Variants in WWOX observed in about 807,000 individuals in gnomAD.
WWOX encodes the protein WW domain containing oxidoreductase.
In WWOX, 69 loss-of-function variants were observed where a neutral mutation model predicts 46.2. That is an observed-to-expected ratio of 1.49 (90% CI 1.23 to 1.82). The LOEUF is 1.82. Among genes scored for constraint, WWOX ranks in the 40% most tolerant of loss-of-function variants. The pLI, the probability that WWOX is intolerant of heterozygous loss-of-function variation, is 0.00. For missense variants in WWOX, 919 were observed against 542.6 expected (o/e 1.69, Z -6.89); for synonymous variants, 359 against 202.6 (o/e 1.77, Z -6.56).
chr16:78,921,140 C>G (rs188620770), intron 8 of WWOX, among the ~76,000 whole-genome samples: 14 of 152,076 alleles, frequency 9.2e-5, no homozygotes, highest in Admixed American at 4.6e-4. Context: ...GAATGGCGCT[C>G]TTTAAAAAAA....
At chr16:78,812,235 C>T (rs1489844428) in intron 8 of WWOX, among the ~76,000 whole-genome samples, 1 of 151,972 alleles carries the variant, frequency 6.6e-6, no homozygotes, top group Non-Finnish European at 1.5e-5. Flanking sequence ...AAGATTGGGG[C>T]ATATTTAGGA....
chr16:78,704,456 T>G (rs1369438291), intron 8 of WWOX, among the ~76,000 whole-genome samples: 1 of 152,170 alleles, frequency 6.6e-6, no homozygotes, highest in Non-Finnish European at 1.5e-5. Context: ...AAGTAGTGTA[T>G]GATTGCCCAC....
At position 78,638,569 on chromosome 16, in the gene WWOX, C is replaced by T. The variant is rs1009288762; in HGVS notation, c.1056+205817C>T. Among the ~76,000 whole-genome samples the T allele has an allele frequency of 4.6e-5, 7 of 152,146 alleles. 1 individual carries two copies. The highest frequency in any genetic ancestry group is 4.6e-4 in the Admixed American group (7 of 15,276). ...GAATGACCCTGTTAATTGCAATTGA[C>T]TCTCATAGAATGTGGATAGCAGTGC... On this transcript the variant is annotated intron_variant, in intron 8 of 8. Coordinates refer to ENST00000566780, the MANE Select transcript of WWOX (RefSeq NM_016373.4).
Position 78,384,194 on chromosome 16 carries a change from C to G in WWOX, c.517-2666C>G, listed in dbSNP as rs538295668. 9.2e-5 allele frequency among the ~76,000 whole-genome samples: 14 copies of G among 152,278 alleles called. No homozygotes were observed. The South Asian group carries it at 2.3e-3, about 25-fold the overall frequency. ...GGGGCTTGGCTGAGCAGAGCAATTT[C>G]TTTACCACCCCCTCCACAGCATAAT... On this transcript the variant is annotated intron_variant, in intron 5 of 8. Transcript: ENST00000566780.
intron 8 of WWOX, among the ~76,000 whole-genome samples, chr16:78,437,276 T>A (rs971502972): frequency 1.3e-5 from 2 of 152,228 alleles, no homozygotes; most frequent in Non-Finnish European, 2.9e-5. Context: ...TTACAGTAAT[T>A]AGGTCACTCT....
intron 8 of WWOX, among the ~76,000 whole-genome samples, chr16:78,982,319 GA>G (rs1266564738): frequency 5.9e-5 from 9 of 152,126 alleles, no homozygotes; most frequent in East Asian, 1.9e-4. Flanking sequence ...ATCATCTGGG[GA>G]AAAAAATACC....
At chr16:78,688,303 A>G (rs1034058324) in intron 8 of WWOX, among the ~76,000 whole-genome samples, 21 of 152,016 alleles carry the variant, frequency 1.4e-4, no homozygotes, top group African/African-American at 4.3e-4. Context: ...CTTAATCAGA[A>G]ATAGGAAAAT....
intron 8 of WWOX, among the ~76,000 whole-genome samples, chr16:78,900,260 C>T (rs944553891): frequency 1.3e-5 from 2 of 152,020 alleles, no homozygotes; most frequent in South Asian, 4.2e-4. Flanking sequence ...TGTGTCAGCT[C>T]AGACACTGAA....
chr16:78,927,149 G>A (rs548893293), intron 8 of WWOX, among the ~76,000 whole-genome samples: 1 of 152,318 alleles, frequency 6.6e-6, no homozygotes, highest in Admixed American at 6.5e-5. Flanking sequence ...TCCAGCCTGA[G>A]TTTTCTCCTG....
chr16:78,404,656 A>G (rs569265628), intron 6 of WWOX, among the ~76,000 whole-genome samples: 48 of 152,324 alleles, frequency 3.2e-4, no homozygotes, highest in African/African-American at 1.2e-3. Context: ...GGAATTTGCC[A>G]AGAGACACTT....
At chr16:78,752,519 C>G (rs888673960) in intron 8 of WWOX, among the ~76,000 whole-genome samples, 4 of 152,186 alleles carry the variant, frequency 2.6e-5, no homozygotes, top group African/African-American at 4.8e-5. Context: ...AACTCCTGAC[C>G]TCAGGCTTCC....
intron 6 of WWOX, among the ~76,000 whole-genome samples, chr16:78,408,106 C>T (rs1341934559): frequency 6.6e-6 from 1 of 152,114 alleles, no homozygotes; most frequent in Admixed American, 6.5e-5. Context: ...GTTGAAACCC[C>T]ACTTCCAAGT....
intron 8 of WWOX, among the ~76,000 whole-genome samples, chr16:79,060,407 A>G (rs2048337761): frequency 6.6e-6 from 1 of 152,232 alleles, no homozygotes; most frequent in Admixed American, 6.5e-5. Flanking sequence ...AAGTGATGGT[A>G]TCAGCATGGA....
chr16:78,915,622 G>A (rs2045231179), intron 8 of WWOX, among the ~76,000 whole-genome samples: 1 of 152,026 alleles, frequency 6.6e-6, no homozygotes, highest in East Asian at 1.9e-4. Flanking sequence ...AACAGACAGT[G>A]TTATCAGTCA....
intron 8 of WWOX, among the ~76,000 whole-genome samples, chr16:78,475,616 A>G (rs1426537289): frequency 2.0e-5 from 3 of 152,204 alleles, no homozygotes; most frequent in East Asian, 1.9e-4. Flanking sequence ...AGTTCATTTC[A>G]TTTAAGACAG....
chr16:78,433,893 C>T (rs1024360098), intron 8 of WWOX, among the ~76,000 whole-genome samples: 66 of 149,456 alleles, frequency 4.4e-4, no homozygotes, highest in African/African-American at 1.5e-3. Flanking sequence ...GGGTTCACGC[C>T]ATTCTCCTGC....
At position 79,192,785 on chromosome 16, in the gene WWOX, A is replaced by G. The variant is rs1182194336; in HGVS notation, c.1057-18823A>G. Reference sequence around the variant, plus strand: ...AGAACGTGAACTTCAGAGCCCACCCATCCCGTTTCACATTTGAATCGCAAC... The same window carrying G: ...AGAACGTGAACTTCAGAGCCCACCCGTCCCGTTTCACATTTGAATCGCAAC... On this transcript the variant is annotated intron_variant, in intron 8 of 8. Transcript: ENST00000566780. 2.0e-5 allele frequency among the ~76,000 whole-genome samples: 3 copies of G among 152,132 alleles called. No individual in the cohort carries two copies. The East Asian group carries it at 5.8e-4, about 29-fold the overall frequency.
In WWOX at chr16:78,587,120, G is replaced by A. The variant is rs115585883; in HGVS notation, c.1056+154368G>A. On this transcript the variant is annotated intron_variant, in intron 8 of 8. Coordinates refer to ENST00000566780, the MANE Select transcript of WWOX (RefSeq NM_016373.4). ...AGCCCACTGTAGCCTTGACCTCCCA[G>A]GCTCAACCTATCCTCTTACCTCAGC... Among the ~76,000 whole-genome samples the A allele has an allele frequency of 5.8e-3, 885 of 151,590 alleles. 8 individuals are homozygous for A. The highest frequency in any genetic ancestry group is 0.02 in the African/African-American group (843 of 41,284).
chr16:79,144,948 A>T (rs967654836), intron 8 of WWOX, among the ~76,000 whole-genome samples: 1 of 152,194 alleles, frequency 6.6e-6, no homozygotes, highest in Non-Finnish European at 1.5e-5. Flanking sequence ...AATGAAATAT[A>T]TGTAGGGTTT....
Sources: gnomAD v4.1 joint callset for allele counts (sites outside exome capture counted in the v4.1 genomes callset) on GRCh38, gnomAD v4.1.1 for gene constraint, MANE v1.5 for transcripts, NCBI Gene and HGNC (gene_info 2026-07-23, HGNC 2026-07-21) for gene names.